C8orf34: variants seen among roughly 807,000 people sequenced by gnomAD.
C8orf34 encodes the protein uncharacterized protein C8orf34.
In C8orf34, 65 loss-of-function variants were observed where a neutral mutation model predicts 68.3. The ratio of observed to expected loss-of-function variants is 0.95; its 90% CI spans 0.78 to 1.17. C8orf34 has a LOEUF of 1.17. Among genes scored for constraint, C8orf34 ranks in the 50% most tolerant of loss-of-function variants. The pLI is 0.00. For missense variants in C8orf34, 664 were observed against 655.4 expected (o/e 1.01, Z -0.14); for synonymous variants, 244 against 241.2 (o/e 1.01, Z -0.11).
intron 1 of C8orf34, 161 bp downstream of exon 1, chr8:68,331,500 G>A (rs1035498037): frequency 1.2e-6 from 1 of 817,950 alleles, no homozygotes; most frequent in Non-Finnish European, 2.0e-6. Context: ...GCTCTGTCCC[G>A]GCCAGGTGTC....
In C8orf34 at chr8:68,410,809, TA is replaced by T. The variant is rs141371957; in HGVS notation, c.328-28686del. On this transcript the variant is annotated intron_variant, in intron 1 of 13. Transcript: ENST00000518698. ...AGGTTCTTTGACTTTCTCCTGTGGG[TA>T]AAAGCCGCAACTGCCAACAGCACCC... Among the ~76,000 whole-genome samples, 455 of 152,290 alleles carry T rather than the reference TA, an allele frequency of 3.0e-3. 3 individuals are homozygous for T. The highest frequency in any genetic ancestry group is 0.01 in the African/African-American group (429 of 41,554).
intron 7 of C8orf34, among the ~76,000 whole-genome samples, chr8:68,608,636 A>G (rs920644881): frequency 2.0e-5 from 3 of 151,798 alleles, no homozygotes; most frequent in Non-Finnish European, 2.9e-5. Context: ...AGCACCTCCT[A>G]TGACATTTGA....
rs1312555428 is a variant in C8orf34 at position 68,577,700 on chromosome 8, G to A, written c.1105+44551G>A. On this transcript the variant is annotated intron_variant, in intron 7 of 13. Coordinates refer to ENST00000518698, the MANE Select transcript of C8orf34 (RefSeq NM_052958.4). Reference sequence around the variant, plus strand: ...TAAGTTTTTGAAAAGAAATGAATATGAGTAACATATAAGTAAACCCCACAC... The same window carrying A: ...TAAGTTTTTGAAAAGAAATGAATATAAGTAACATATAAGTAAACCCCACAC... Among the ~76,000 whole-genome samples, 5 of 151,898 alleles carry A rather than the reference G, an allele frequency of 3.3e-5. No individual in the cohort carries two copies. In the East Asian group the frequency reaches 5.8e-4, roughly 18 times the overall value.
intron 6 of C8orf34, chr8:68,530,612 A>C (rs1238457227): frequency 7.9e-7 from 1 of 1,262,910 alleles, no homozygotes; most frequent in East Asian, 5.6e-5. Context: ...CACGTAATGC[A>C]ATGATGCAGA....
chr8:68,698,398 A>G (rs970478391), intron 8 of C8orf34, among the ~76,000 whole-genome samples: 3 of 152,136 alleles, frequency 2.0e-5, no homozygotes, highest in South Asian at 2.1e-4. Flanking sequence ...ACCTACTGTC[A>G]CTTTCAATGT....
chr8:68,624,343 A>G (rs1158268068), intron 7 of C8orf34, among the ~76,000 whole-genome samples: 2 of 152,068 alleles, frequency 1.3e-5, no homozygotes, highest in East Asian at 1.9e-4. Flanking sequence ...ATAACTTGGT[A>G]TGAATTGAAA....
chr8:68,779,908 T>C (rs1259544462), intron 11 of C8orf34, among the ~76,000 whole-genome samples: 2 of 152,262 alleles, frequency 1.3e-5, no homozygotes, highest in African/African-American at 4.8e-5. Flanking sequence ...ACATGCTAAA[T>C]CATAATTTTT....
intron 7 of C8orf34, among the ~76,000 whole-genome samples, chr8:68,598,523 G>A (rs1817610927): frequency 6.6e-6 from 1 of 152,134 alleles, no homozygotes; most frequent in Admixed American, 6.6e-5. Context: ...TCTGGATCAT[G>A]GCTTTAGGGT....
intron 5 of C8orf34, among the ~76,000 whole-genome samples, chr8:68,492,144 A>G (rs942688451): frequency 6.6e-6 from 1 of 152,192 alleles, no homozygotes; most frequent in Non-Finnish European, 1.5e-5. Flanking sequence ...TTCTTCCTAA[A>G]GCAAAATCTT....
At chr8:68,749,251 C>G (rs533360623) in intron 10 of C8orf34, among the ~76,000 whole-genome samples, 2 of 146,394 alleles carry the variant, frequency 1.4e-5, no homozygotes, top group South Asian at 2.3e-4. Context: ...GTGGGGGGAG[C>G]GGGGAGGGAT....
chr8:68,815,776 A>G (rs1216841346), intron 12 of C8orf34, 110 bp from the exon 13 acceptor site: 1 of 1,570,968 alleles, frequency 6.4e-7, no homozygotes, highest in African/African-American at 1.4e-5. Flanking sequence ...TAGTTTTAAT[A>G]TTAATTTCAA....
intron 7 of C8orf34, among the ~76,000 whole-genome samples, chr8:68,585,149 G>T (rs538219265): frequency 1.2e-4 from 18 of 152,198 alleles, no homozygotes; most frequent in Admixed American, 9.2e-4. Flanking sequence ...AACTTTGATT[G>T]CCCCTAGGAT....
chr8:68,629,623 A>G (rs1324500567), intron 7 of C8orf34, among the ~76,000 whole-genome samples: 1 of 152,202 alleles, frequency 6.6e-6, no homozygotes, highest in Non-Finnish European at 1.5e-5. Flanking sequence ...ATGGTCAACA[A>G]ATATCAATGA....
At chr8:68,738,524 A>G (rs1191832955) in intron 10 of C8orf34, among the ~76,000 whole-genome samples, 4 of 152,062 alleles carry the variant, frequency 2.6e-5, no homozygotes, top group Non-Finnish European at 5.9e-5. Flanking sequence ...TGAAAAAATT[A>G]ATAAATTACA....
intron 3 of C8orf34, among the ~76,000 whole-genome samples, chr8:68,452,985 A>T (rs568974925): frequency 6.6e-6 from 1 of 151,904 alleles, no homozygotes; most frequent in African/African-American, 2.4e-5. Context: ...TGCCATGTGG[A>T]TAATCAGTTG....
intron 10 of C8orf34, 129 bp downstream of exon 10, chr8:68,721,566 A>C: frequency 1.6e-6 from 1 of 632,524 alleles, no homozygotes; most frequent in Non-Finnish European, 2.7e-6. Flanking sequence ...AAGTTGTTTC[A>C]ACAGTTGGGG....
At chr8:68,712,350 A>G (rs1476888836) in intron 9 of C8orf34, among the ~76,000 whole-genome samples, 3 of 152,168 alleles carry the variant, frequency 2.0e-5, no homozygotes, top group East Asian at 3.9e-4. Flanking sequence ...CTATACTAAC[A>G]TTGAATGTAA....
chr8:68,695,980 A>G (rs1585742778), intron 8 of C8orf34, among the ~76,000 whole-genome samples: 1 of 152,080 alleles, frequency 6.6e-6, no homozygotes, highest in East Asian at 1.9e-4. Flanking sequence ...ATAGATATTT[A>G]CCTGCATTGT....
At chr8:68,616,666 A>T (rs1319289320) in intron 7 of C8orf34, among the ~76,000 whole-genome samples, 2 of 151,902 alleles carry the variant, frequency 1.3e-5, no homozygotes, top group East Asian at 3.9e-4. Flanking sequence ...AGTTTGTTAT[A>T]ATTTCTGTTC....
Sources: allele counts gnomAD v4.1 joint callset (sites outside exome capture counted in the v4.1 genomes callset), GRCh38; gene constraint gnomAD v4.1.1; transcripts MANE v1.5; gene names NCBI Gene and HGNC (gene_info 2026-07-23, HGNC 2026-07-21).